TAOK3: variants seen among roughly 807,000 people sequenced by gnomAD.
TAOK3 encodes TAO kinase 3, also known as serine/threonine-protein kinase TAO3.
In TAOK3, 40 loss-of-function variants were observed where a neutral mutation model predicts 120.4. The observed-to-expected ratio is 0.33, with a 90% CI of 0.26 to 0.43. The LOEUF is 0.43. TAOK3 is among the 20% of genes least tolerant of loss of function. The probability of loss-of-function intolerance (pLI) is 1.00; values close to 1 mark genes in which losing one functional copy is unlikely to be tolerated. For synonymous variants in TAOK3, 355 were observed against 387.5 expected (o/e 0.92, Z 0.99); for missense variants, 821 against 1,112.1 (o/e 0.74, Z 3.72).
chr12:118,193,083 T>C (rs2037523119), intron 13 of TAOK3, among the ~76,000 whole-genome samples: 1 of 140,516 alleles, frequency 7.1e-6, no homozygotes. Flanking sequence ...GACAGTCTCG[T>C]TCTGTTGCCC....
intron 1 of TAOK3, among the ~76,000 whole-genome samples, chr12:118,367,460 A>C (rs1426763937): frequency 4.0e-5 from 6 of 149,626 alleles, no homozygotes; most frequent in Non-Finnish European, 8.9e-5. Context: ...AATGAGGGAG[A>C]TCACATTTTG....
In TAOK3 at chr12:118,162,666, GA is replaced by G. The variant is rs901621431; in HGVS notation, c.1900-640del. Among the ~76,000 whole-genome samples, 23 of 149,170 alleles carry G rather than the reference GA, an allele frequency of 1.5e-4. No individual in the cohort carries two copies. In the South Asian group the frequency reaches 2.3e-3, roughly 15 times the overall value. ...ATCTCAGAGTTCAAGGCATGTTGGG[GA>G]AAAAAAAACAGATGAGATCTCTCCC... On this transcript the variant is annotated intron_variant, in intron 17 of 20. Coordinates refer to ENST00000392533, the MANE Select transcript of TAOK3 (RefSeq NM_016281.4).
intron 5 of TAOK3, among the ~76,000 whole-genome samples, chr12:118,240,392 T>C (rs1159144745): frequency 1.3e-5 from 2 of 152,102 alleles, no homozygotes; most frequent in African/African-American, 2.4e-5. Flanking sequence ...TTGGTCAGGC[T>C]GGTCTCAAAC....
intron 9 of TAOK3, 24 bp from the exon 10 acceptor site, chr12:118,214,134 A>T (rs2038765652): frequency 2.5e-6 from 4 of 1,582,028 alleles, no homozygotes; most frequent in Non-Finnish European, 3.4e-6. Context: ...GAAACACAAT[A>T]AAGTAGTTCT....
chr12:118,226,704 A>C (rs2039525019), intron 9 of TAOK3, among the ~76,000 whole-genome samples: 1 of 152,178 alleles, frequency 6.6e-6, no homozygotes, highest in Non-Finnish European at 1.5e-5. Flanking sequence ...AGAGGATTAG[A>C]CAATTTGGGA....
intron 1 of TAOK3, among the ~76,000 whole-genome samples, chr12:118,302,728 C>A (rs1176050811): frequency 6.6e-6 from 1 of 152,086 alleles, no homozygotes; most frequent in African/African-American, 2.4e-5. Flanking sequence ...AATGGAGGAA[C>A]AACTATTCAA....
chr12:118,344,008 T>TA (rs556715280), intron 1 of TAOK3, among the ~76,000 whole-genome samples: 5,000 of 134,006 alleles, frequency 0.037, 112 homozygotes, highest in Non-Finnish European at 0.042. Context: ...CGAGACTGTC[T>TA]AAAAAAAAAA....
intron 1 of TAOK3, among the ~76,000 whole-genome samples, chr12:118,367,903 T>A (rs1047093602): frequency 1.3e-5 from 2 of 152,292 alleles, no homozygotes; most frequent in African/African-American, 4.8e-5. Flanking sequence ...TATTCCCCTA[T>A]GCTACTGATA....
chr12:118,371,406 G>A lies in TAOK3; in HGVS notation c.-194+1242C>T, dbSNP rs559016359. Among the ~76,000 whole-genome samples, 3 of 152,264 alleles carry A rather than the reference G, an allele frequency of 2.0e-5. No homozygotes were observed. Among genetic ancestry groups the A allele is most frequent in the East Asian group, 1.9e-4 (1 of 5,176 alleles). The stretch of plus-strand genomic sequence containing the variant: ...CCAGCGGGCCAGTGAGAAGAGGTCA[G>A]GCCGCGCAGGTCTCTTGATCATTCC... On this transcript the variant is annotated intron_variant, in intron 1 of 20. Coordinates refer to ENST00000392533, the MANE Select transcript of TAOK3 (RefSeq NM_016281.4). This position sits in a 1 kb window ranked among gnomAD's most constrained non-coding sequence, Gnocchi z 5.5.
intron 14 of TAOK3, among the ~76,000 whole-genome samples, chr12:118,182,599 GTA>G (rs1212615187): frequency 2.0e-3 from 185 of 93,894 alleles, no homozygotes; most frequent in African/African-American, 5.7e-3. Flanking sequence ...GTGTGTGTGT[GTA>G]TATATATATA....
At chr12:118,304,730 A>G (rs554594337) in intron 1 of TAOK3, among the ~76,000 whole-genome samples, 1 of 152,212 alleles carries the variant, frequency 6.6e-6, no homozygotes, top group African/African-American at 2.4e-5. Context: ...CAATTTGTTC[A>G]GATAATGTTC....
intron 1 of TAOK3, among the ~76,000 whole-genome samples, chr12:118,335,172 A>G (rs1309669368): frequency 6.6e-6 from 1 of 150,902 alleles, no homozygotes; most frequent in Non-Finnish European, 1.5e-5. Flanking sequence ...CAACAAGAGC[A>G]AAACTATGTC....
intron 13 of TAOK3, among the ~76,000 whole-genome samples, chr12:118,193,046 G>GTTTTTT (rs1319064230): frequency 1.0e-5 from 1 of 99,728 alleles, no homozygotes; most frequent in Non-Finnish European, 2.1e-5. Context: ...TTACCACGTT[G>GTTTTTT]TTGTTTTTTT....
intron 1 of TAOK3, among the ~76,000 whole-genome samples, chr12:118,345,907 G>A (rs1014850005): frequency 6.6e-6 from 1 of 152,176 alleles, no homozygotes; most frequent in East Asian, 1.9e-4. Flanking sequence ...AAAATGAAGT[G>A]GAAGTTATAT....
At chr12:118,243,570 A>AT in intron 4 of TAOK3, 54 bp from the exon 5 acceptor site, 4 of 696,018 alleles carry the variant, frequency 5.7e-6, no homozygotes, top group Non-Finnish European at 9.1e-6. Flanking sequence ...GGAAAATAGT[A>AT]TTTCCTATCA....
At chr12:118,324,405 AATT>A (rs1472618222) in intron 1 of TAOK3, among the ~76,000 whole-genome samples, 2 of 152,108 alleles carry the variant, frequency 1.3e-5, no homozygotes, top group African/African-American at 4.8e-5. Flanking sequence ...ACTCTCTTTT[AATT>A]ATTTTAAAAT....
At chr12:118,216,939 A>G (rs1408819247) in intron 9 of TAOK3, among the ~76,000 whole-genome samples, 1 of 151,730 alleles carries the variant, frequency 6.6e-6, no homozygotes, top group African/African-American at 2.4e-5. Context: ...AAAAAAAAAA[A>G]AAAAAAAAGA....
chr12:118,212,842 G>A, intron 11 of TAOK3, 72 bp downstream of exon 11: 2 of 1,076,214 alleles, frequency 1.9e-6, no homozygotes, highest in Non-Finnish European at 2.7e-6. Flanking sequence ...AGCTGCCACA[G>A]GAATGATTTA....
intron 1 of TAOK3, among the ~76,000 whole-genome samples, chr12:118,314,893 G>A (rs550825945): frequency 4.6e-5 from 7 of 151,998 alleles, no homozygotes; most frequent in Admixed American, 3.9e-4. Context: ...CTATTGCATG[G>A]GCACATGAAG....
Sources: gnomAD v4.1 joint callset for allele counts (sites outside exome capture counted in the v4.1 genomes callset) on GRCh38, gnomAD v4.1.1 for gene constraint, Gnocchi (gnomAD v3.1) non-coding constraint, MANE v1.5 for transcripts, NCBI Gene and HGNC (gene_info 2026-07-23, HGNC 2026-07-21) for gene names.